The following DPH3 variants were observed in gnomAD, a reference collection of about 807,000 sequenced individuals.
DPH3 encodes the protein diphthamide biosynthesis 3.
A neutral mutation model predicts 10.2 loss-of-function variants in DPH3; 8 were observed. The ratio of observed to expected loss-of-function variants is 0.79; its 90% CI spans 0.46 to 1.42. The LOEUF (loss-of-function observed/expected upper bound fraction) is 1.42, where lower values mean the gene tolerates loss of function less well. Among genes scored for constraint, DPH3 ranks in the 40% most tolerant of loss-of-function variants. DPH3 has a pLI of 0.00. For missense variants in DPH3, 96 were observed against 98.9 expected (o/e 0.97, Z 0.12); for synonymous variants, 35 against 35.6 (o/e 0.98, Z 0.06).
rs944880126 is a variant in DPH3 at position 16,263,739 on chromosome 3, A to G, written c.183+416T>C. Reference sequence around the variant, plus strand: ...AATTGTAAAGCTGCACCTAGGAATTATATCTCAAACAAGATAATGCAGAAT... The same window carrying G: ...AATTGTAAAGCTGCACCTAGGAATTGTATCTCAAACAAGATAATGCAGAAT... On this transcript the variant is annotated intron_variant, in intron 2 of 2. Coordinates refer to ENST00000488423, the MANE Select transcript of DPH3 (RefSeq NM_206831.3). This position sits in a 1 kb window ranked among gnomAD's most constrained non-coding sequence, Gnocchi z 4.0. 1.3e-5 allele frequency among the ~76,000 whole-genome samples: 2 copies of G among 152,246 alleles called. No homozygotes were observed. The highest frequency in any genetic ancestry group is 2.9e-5 in the Non-Finnish European group (2 of 68,034).
rs1288015153 is a variant in DPH3 at position 16,258,083 on chromosome 3, T to C, written c.*2681A>G. On this transcript the variant is annotated 3_prime_UTR_variant, in exon 3 of 3. Coordinates refer to ENST00000488423, the MANE Select transcript of DPH3 (RefSeq NM_206831.3). ...TGTTGGGTACTTTTTCCAAGAAAAA[T>C]GTTTCTGAATGTGCACACTAGAATA... 2 of 152,216 alleles carry C rather than the reference T, an allele frequency of 1.3e-5. No homozygotes were observed. The highest frequency in any genetic ancestry group is 2.1e-4 in the South Asian group (1 of 4,836). The allele number at this position is 152,216 out of a possible 1,614,324, so 9.4% of individuals were successfully genotyped here. A position where few individuals can be genotyped will look rare whatever the true frequency, so the allele number is the denominator to read the frequency against.
intron 2 of DPH3, 125 bp downstream of exon 2, chr3:16,264,030 A>T (rs1173992804): frequency 4.0e-6 from 2 of 499,834 alleles, no homozygotes; most frequent in Non-Finnish European, 6.7e-6. Flanking sequence ...AAACCTGCCT[A>T]AAAAAATACC....
chr3:16,257,791 T>C lies in DPH3; in HGVS notation c.*2973A>G, dbSNP rs529094005. ...CTACCACTTGACTCAGTTATTTTTT[T>C]CCCAAACAATAGAAATCCAGAGCCC... On this transcript the variant is annotated 3_prime_UTR_variant, in exon 3 of 3. Transcript: ENST00000488423. 3.3e-5 allele frequency among the ~76,000 whole-genome samples: 5 copies of C among 152,338 alleles called. No individual in the cohort carries two copies. The highest frequency in any genetic ancestry group is 1.9e-4 in the East Asian group (1 of 5,184).
At position 16,260,048 on chromosome 3, in the gene DPH3, A is replaced by C. The variant is rs1254076856; in HGVS notation, c.*716T>G. 1.3e-5 allele frequency: 2 copies of C among 152,176 alleles called. No homozygotes were observed. The highest frequency in any genetic ancestry group is 2.9e-5 in the Non-Finnish European group (2 of 68,032). 9.4% of individuals were successfully genotyped at this position (152,176 alleles called of 1,614,324 possible). ...ATGTTTTTCTTTTCATCTTGTCCTGACTTCCAAGGAATATGCAGAATATAA... is the reference window on the plus strand; with the variant it reads ...ATGTTTTTCTTTTCATCTTGTCCTGCCTTCCAAGGAATATGCAGAATATAA... On this transcript the variant is annotated 3_prime_UTR_variant, in exon 3 of 3. Transcript: ENST00000488423.
In DPH3 at chr3:16,263,891, T is replaced by A. The variant is rs2064336528; in HGVS notation, c.183+264A>T. ...TAAAAAATTGTCCACTAAAATAATC[T>A]ATATACTTTCTATTTAATAAATAAT... On this transcript the variant is annotated intron_variant, in intron 2 of 2. Transcript: ENST00000488423. This position sits in a 1 kb window ranked among gnomAD's most constrained non-coding sequence, Gnocchi z 4.0. 6.6e-6 allele frequency among the ~76,000 whole-genome samples: 1 copy of A among 152,350 alleles called. No homozygotes were observed. The highest frequency in any genetic ancestry group is 2.4e-5 in the African/African-American group (1 of 41,580).
In DPH3 at chr3:16,258,607, A is replaced by G. The variant is rs2064270280; in HGVS notation, c.*2157T>C. ...GCCCAAGCAATTTGCTCAAGGCCCC[A>G]CACCTTGCTAATTAAAAGAAGATTT... On this transcript the variant is annotated 3_prime_UTR_variant, in exon 3 of 3. Coordinates refer to ENST00000488423, the MANE Select transcript of DPH3 (RefSeq NM_206831.3). The G allele has an allele frequency of 6.6e-6, 1 of 152,204 alleles. No individual in the cohort carries two copies. The highest frequency in any genetic ancestry group is 1.5e-5 in the Non-Finnish European group (1 of 68,066). The allele number at this position is 152,204 out of a possible 1,614,324, so 9.4% of individuals were successfully genotyped here. A position where few individuals can be genotyped will look rare whatever the true frequency, so the allele number is the denominator to read the frequency against.
Position 16,261,731 on chromosome 3 carries a change from C to T in DPH3, c.184-902G>A, listed in dbSNP as rs115939648. Among the ~76,000 whole-genome samples, 4,355 of 152,240 alleles carry T rather than the reference C, an allele frequency of 0.029. 100 individuals carry two copies. Among genetic ancestry groups the T allele is most frequent in the Middle Eastern group, 0.082 (24 of 292 alleles). ...GTCATATTCTTAAGGACAGTTTCCC[C>T]TACAAGCCCATCTAGTGGAGGCTCT... On this transcript the variant is annotated intron_variant, in intron 2 of 2. Transcript: ENST00000488423. The surrounding 1 kb of genome is among the most constrained non-coding windows in gnomAD (Gnocchi z 7.1).
chr3:16,263,404 C>G lies in DPH3; in HGVS notation c.183+751G>C, dbSNP rs1186210639. On this transcript the variant is annotated intron_variant, in intron 2 of 2. Coordinates refer to ENST00000488423, the MANE Select transcript of DPH3 (RefSeq NM_206831.3). This position sits in a 1 kb window ranked among gnomAD's most constrained non-coding sequence, Gnocchi z 4.0. The stretch of plus-strand genomic sequence containing the variant: ...TGGAAAACTGCAACTTCCTCCCAGA[C>G]CAGCACTCCTGATCTTCCTTACCGT... Among the ~76,000 whole-genome samples the G allele has an allele frequency of 6.6e-6, 1 of 152,200 alleles. No homozygotes were observed. The highest frequency in any genetic ancestry group is 1.5e-5 in the Non-Finnish European group (1 of 68,036).
chr3:16,258,461 G>A lies in DPH3; in HGVS notation c.*2303C>T, dbSNP rs842252. 0.32 allele frequency: 48,920 copies of A among 152,066 alleles called. 8,795 individuals are homozygous for A. The highest frequency in any genetic ancestry group is 0.39 in the Non-Finnish European group (26,556 of 67,996). 9.4% of individuals were successfully genotyped at this position (152,066 alleles called of 1,614,324 possible). A position where few individuals can be genotyped will look rare whatever the true frequency, so the allele number is the denominator to read the frequency against. ...ACACGTATCACACAGAACTTTAGTC[G>A]TATCTCAGAGTCCAGTTTTACTCTG... On this transcript the variant is annotated 3_prime_UTR_variant, in exon 3 of 3. Transcript: ENST00000488423.
chr3:16,260,635 GA>G lies in DPH3; in HGVS notation c.*128del, dbSNP rs1160518473. ...CTGAAGATGATATCAGCAGTTGATA[GA>G]AAGAATCCACACTCTTACAGAACAG... On this transcript the variant is annotated 3_prime_UTR_variant, in exon 3 of 3. Transcript: ENST00000488423. 1 of 732,102 alleles carries G rather than the reference GA, an allele frequency of 1.4e-6. No homozygotes were observed. Among genetic ancestry groups the G allele is most frequent in the African/African-American group, 1.8e-5 (1 of 56,930 alleles). 45.4% of individuals were successfully genotyped at this position (732,102 alleles called of 1,614,324 possible).
At position 16,260,707 on chromosome 3, in the gene DPH3, G is replaced by A. The variant is rs1205125197; in HGVS notation, c.*57C>T. 17 of 1,489,386 alleles carry A rather than the reference G, an allele frequency of 1.1e-5. No individual in the cohort carries two copies. The highest frequency in any genetic ancestry group is 1.7e-4 in the Middle Eastern group (1 of 5,840). 92.3% of individuals were successfully genotyped at this position (1,489,386 alleles called of 1,614,324 possible). A position where few individuals can be genotyped will look rare whatever the true frequency, so the allele number is the denominator to read the frequency against. ...CTGTGAAGCCAGTAGCTTTGCATTC[G>A]ATATTTCTATCTGGGCTCATTCCAA... On this transcript the variant is annotated 3_prime_UTR_variant, in exon 3 of 3. Coordinates refer to ENST00000488423, the MANE Select transcript of DPH3 (RefSeq NM_206831.3).
rs1333775654 is a variant in DPH3, at chr3:16,263,790, C to T, written c.183+365G>A. ...TCTGTGTATAAGCCAGCACGAAATA[C>T]CATACAATTGTTCCCTTCAAAGTAA... On this transcript the variant is annotated intron_variant, in intron 2 of 2. Transcript: ENST00000488423. This position sits in a 1 kb window ranked among gnomAD's most constrained non-coding sequence, Gnocchi z 4.0. 1.3e-5 allele frequency among the ~76,000 whole-genome samples: 2 copies of T among 152,140 alleles called. No homozygotes were observed. Among genetic ancestry groups the T allele is most frequent in the Admixed American group, 6.5e-5 (1 of 15,280 alleles).
chr3:16,258,786 T>C lies in DPH3; in HGVS notation c.*1978A>G, dbSNP rs1180658793. 1 of 152,198 alleles carries C rather than the reference T, an allele frequency of 6.6e-6. No individual in the cohort carries two copies. Among genetic ancestry groups the C allele is most frequent in the Non-Finnish European group, 1.5e-5 (1 of 68,028 alleles). 9.4% of individuals were successfully genotyped at this position (152,198 alleles called of 1,614,324 possible). On this transcript the variant is annotated 3_prime_UTR_variant, in exon 3 of 3. Coordinates refer to ENST00000488423, the MANE Select transcript of DPH3 (RefSeq NM_206831.3). ...ACCTTCTGCTTAACACAGGATTCAA[T>C]CTTGATGTGTTCTCCTACAGTTCAC...
chr3:16,264,242 C>A lies in DPH3; in HGVS notation c.109-13G>T, dbSNP rs781640779. The stretch of plus-strand genomic sequence containing the variant: ...TCTCCAAATCTTCCTACAACGAAAT[C>A]AAATACCATGTGGTCAGGATAGCTT... On this transcript the variant is annotated splice_polypyrimidine_tract_variant and intron_variant, in intron 1 of 2. Transcript: ENST00000488423. The A allele has an allele frequency of 1.9e-6, 3 of 1,596,836 alleles. No individual in the cohort carries two copies. The highest frequency in any genetic ancestry group is 2.7e-5 in the African/African-American group (2 of 74,482).
At chr3:16,264,623 G>C (rs529212601) in intron 1 of DPH3, 146 bp downstream of exon 1, 77 of 766,136 alleles carry the variant, frequency 1.0e-4, no homozygotes, top group Non-Finnish European at 1.3e-4. Context: ...TAGTTGGGGT[G>C]GGGGGACGCG....
Position 16,264,177 on chromosome 3 carries a change from A to C in DPH3, c.161T>G (p.Ile54Ser). Residue 54 changes from isoleucine (I) to serine (S), a missense_variant, in exon 2 of 3, where the codon ATT (isoleucine) becomes AGT (serine). Ile to Ser is a moderately radical substitution (Grantham distance 142). Coordinates refer to ENST00000488423, the MANE Select transcript of DPH3 (RefSeq NM_206831.3). ...TACTTTGTCATAAATCACTTTTATA[A>C]TGAGAGAGCAGCTAGGACACGTTGC... ...DVATCPSCSL[I>S]IKVIYDKDQF... 12 of 1,611,150 alleles carry C rather than the reference A, an allele frequency of 7.4e-6. 1 individual carries two copies. The highest frequency in any genetic ancestry group is 1.0e-5 in the Non-Finnish European group (12 of 1,178,050).
In DPH3 at chr3:16,258,460, C is replaced by T. The variant is rs1014906555; in HGVS notation, c.*2304G>A. ...CACACGTATCACACAGAACTTTAGT[C>T]GTATCTCAGAGTCCAGTTTTACTCT... On this transcript the variant is annotated 3_prime_UTR_variant, in exon 3 of 3. Coordinates refer to ENST00000488423, the MANE Select transcript of DPH3 (RefSeq NM_206831.3). 1 of 152,170 alleles carries T rather than the reference C, an allele frequency of 6.6e-6. No individual in the cohort carries two copies. The highest frequency in any genetic ancestry group is 6.5e-5 in the Admixed American group (1 of 15,284). The allele number at this position is 152,170 out of a possible 1,614,324, so 9.4% of individuals were successfully genotyped here.
In DPH3 at chr3:16,260,814, C is replaced by T. The variant is rs2064287680; in HGVS notation, c.199G>A (p.Gly67Arg). 6.2e-7 allele frequency: 1 copy of T among 1,613,786 alleles called. No individual in the cohort carries two copies. Among genetic ancestry groups the T allele is most frequent in the Admixed American group, 1.7e-5 (1 of 60,006 alleles). Residue 67 changes from glycine (G) to arginine (R), a missense_variant, in exon 3 of 3, where the codon GGA becomes AGA. Coordinates refer to ENST00000488423, the MANE Select transcript of DPH3 (RefSeq NM_206831.3). Reference sequence around the variant, plus strand: ...GCTGAAGGGGCTGGGACTGTTTCTCCACACACAAACTGATCCTAAGACAGA... The same window carrying T: ...GCTGAAGGGGCTGGGACTGTTTCTCTACACACAAACTGATCCTAAGACAGA... ...VIYDKDQFVC[G>R]ETVPAPSANK... is the part of the protein sequence containing the mutation.
chr3:16,264,359 G>C, intron 1 of DPH3, 130 bp from the exon 2 acceptor site: 1 of 614,996 alleles, frequency 1.6e-6, no homozygotes. Context: ...GAGAACCCCA[G>C]GGCCTTCAGC....
Sources: allele counts gnomAD v4.1 joint callset (sites outside exome capture counted in the v4.1 genomes callset), GRCh38; gene constraint gnomAD v4.1.1; non-coding constraint Gnocchi (gnomAD v3.1); transcripts MANE v1.5; gene names NCBI Gene and HGNC (gene_info 2026-07-23, HGNC 2026-07-21).